Variants in CPNE4 observed in about 807,000 individuals in gnomAD.
The protein encoded by CPNE4 is copine 4.
CPNE4 carries 25 observed loss-of-function variants against 67.9 expected under a neutral mutation model. That is an observed-to-expected ratio of 0.37 (90% confidence interval 0.27 to 0.51). The LOEUF is 0.51. CPNE4 is among the 20% of genes least tolerant of loss of function. The probability of loss-of-function intolerance (pLI) is 0.93; values close to 1 mark genes in which losing one functional copy is unlikely to be tolerated. For synonymous variants in CPNE4, 242 were observed against 244.9 expected, an observed-to-expected ratio of 0.99 and a Z score of 0.11; for missense variants, 464 against 690.8, an observed-to-expected ratio of 0.67 and a Z score of 3.68.
chr3:131,692,719 TAG>T (rs1464243452), intron 5 of CPNE4, among the ~76,000 whole-genome samples: 1 of 152,170 alleles, frequency 6.6e-6, no homozygotes, highest in East Asian at 1.9e-4. Flanking sequence ...ACCTCTACTT[TAG>T]AGACAGATTT....
chr3:131,572,846 A>G (rs1240598705), intron 10 of CPNE4, among the ~76,000 whole-genome samples: 1 of 152,070 alleles, frequency 6.6e-6, no homozygotes, highest in African/African-American at 2.4e-5. Flanking sequence ...CCATGCCAGG[A>G]AACCTTCCTC....
rs1304832168 is a variant in CPNE4, at chr3:131,717,983, CTCTCTCTCTCTG to C, written c.360+5451_360+5462del. On this transcript the variant is annotated intron_variant, in intron 3 of 15. Coordinates refer to ENST00000429747, the MANE Select transcript of CPNE4 (RefSeq NM_130808.3). ...TCTTTCTTTCTCTCTCTCTGTCTCT[CTCTCTCTCTCTG>C]TCTCTCTCTCTTTCTTTCTTTCTTT... is the stretch of plus-strand genomic sequence containing the variant. Among the ~76,000 whole-genome samples, 7 of 149,562 alleles carry C rather than the reference CTCTCTCTCTCTG, an allele frequency of 4.7e-5. No individual in the cohort carries two copies. In the Admixed American group the frequency reaches 4.7e-4, roughly 10 times the overall value.
chr3:131,698,790 A>C (rs2081222631), intron 4 of CPNE4, among the ~76,000 whole-genome samples: 1 of 151,312 alleles, frequency 6.6e-6, no homozygotes, highest in African/African-American at 2.4e-5. Flanking sequence ...GGCACCTGTA[A>C]TCCCAGCTAC....
At chr3:131,856,546 G>C (rs1032944590) in intron 2 of CPNE4, among the ~76,000 whole-genome samples, 1 of 152,012 alleles carries the variant, frequency 6.6e-6, no homozygotes, top group African/African-American at 2.4e-5. Context: ...TTGTCTAGAA[G>C]ATGGGATGTT....
intron 7 of CPNE4, among the ~76,000 whole-genome samples, chr3:131,589,142 A>G (rs1401645629): frequency 1.3e-5 from 2 of 152,152 alleles, no homozygotes; most frequent in African/African-American, 4.8e-5. Context: ...GGCTCGCACA[A>G]TTACAAGGCA....
At chr3:131,974,911 G>T (rs190801576) in intron 1 of CPNE4, among the ~76,000 whole-genome samples, 2 of 152,248 alleles carry the variant, frequency 1.3e-5, no homozygotes, top group Admixed American at 6.5e-5. Flanking sequence ...GGGAGGCTGA[G>T]GGGGGAGGAT....
At chr3:131,767,271 G>GTGTA (rs2083044564) in intron 2 of CPNE4, among the ~76,000 whole-genome samples, 1 of 151,942 alleles carries the variant, frequency 6.6e-6, no homozygotes, top group African/African-American at 2.4e-5. Context: ...GTGTGTGTGT[G>GTGTA]TGTGTGTGTG....
At chr3:131,780,271 A>T (rs2083399802) in intron 2 of CPNE4, among the ~76,000 whole-genome samples, 1 of 152,142 alleles carries the variant, frequency 6.6e-6, no homozygotes, top group African/African-American at 2.4e-5. Context: ...AGCAGTCTGG[A>T]TATTTCTCAA....
chr3:131,995,863 C>G (rs2073277909), intron 1 of CPNE4, among the ~76,000 whole-genome samples: 1 of 152,160 alleles, frequency 6.6e-6, no homozygotes, highest in Non-Finnish European at 1.5e-5. Flanking sequence ...TGAATTGCCA[C>G]TGCAGCATAT....
At chr3:131,609,350 A>G (rs529175923) in intron 7 of CPNE4, among the ~76,000 whole-genome samples, 1 of 152,274 alleles carries the variant, frequency 6.6e-6, no homozygotes, top group Non-Finnish European at 1.5e-5. Flanking sequence ...GGGTGGGTAC[A>G]TTTCCTAGCC....
chr3:131,608,487 G>A (rs923708305), intron 7 of CPNE4, among the ~76,000 whole-genome samples: 3 of 152,110 alleles, frequency 2.0e-5, no homozygotes, highest in African/African-American at 7.2e-5. Flanking sequence ...GGTACAAGGA[G>A]CAGCAAGTGT....
chr3:131,910,982 G>T (rs939038599), intron 1 of CPNE4, among the ~76,000 whole-genome samples: 1 of 152,154 alleles, frequency 6.6e-6, no homozygotes, highest in Non-Finnish European at 1.5e-5. Context: ...ATTAGGAGTG[G>T]TGTGGCAGAC....
At chr3:131,875,468 T>C (rs1425462907) in intron 2 of CPNE4, among the ~76,000 whole-genome samples, 2 of 152,174 alleles carry the variant, frequency 1.3e-5, no homozygotes, top group Non-Finnish European at 2.9e-5. Context: ...TAAGAAAATG[T>C]GGCACATATA....
In CPNE4 at chr3:131,702,724, G is replaced by A. The variant is rs576964212; in HGVS notation, c.361-2744C>T. On this transcript the variant is annotated intron_variant, in intron 3 of 15. Coordinates refer to ENST00000429747, the MANE Select transcript of CPNE4 (RefSeq NM_130808.3). Reference sequence around the variant, plus strand: ...TTATCTTTATTCAAGGAAGAGTAAAGGAGACTAATCCCAAGAGAACCTGGA... The same window carrying A: ...TTATCTTTATTCAAGGAAGAGTAAAAGAGACTAATCCCAAGAGAACCTGGA... Among the ~76,000 whole-genome samples, 6 of 152,284 alleles carry A rather than the reference G, an allele frequency of 3.9e-5. No homozygotes were observed. The South Asian group carries it at 1.2e-3, about 32-fold the overall frequency.
intron 1 of CPNE4, among the ~76,000 whole-genome samples, chr3:131,984,083 G>A (rs1320483132): frequency 6.6e-6 from 1 of 152,138 alleles, no homozygotes; most frequent in Non-Finnish European, 1.5e-5. Context: ...CCTCTTCAAA[G>A]CATTGTTCCA....
intron 1 of CPNE4, among the ~76,000 whole-genome samples, chr3:131,963,855 A>T (rs573945633): frequency 4.1e-4 from 62 of 152,326 alleles, no homozygotes; most frequent in African/African-American, 1.4e-3. Context: ...AGAGCAGAGA[A>T]TCTCACAGCA....
chr3:131,616,851 G>A (rs1216577611), intron 7 of CPNE4, among the ~76,000 whole-genome samples: 1 of 152,190 alleles, frequency 6.6e-6, no homozygotes, highest in East Asian at 1.9e-4. Flanking sequence ...ACAAAGGAAA[G>A]CTCAAAGCCT....
intron 1 of CPNE4, among the ~76,000 whole-genome samples, chr3:131,928,851 G>A (rs963937742): frequency 2.6e-5 from 4 of 152,194 alleles, no homozygotes; most frequent in Non-Finnish European, 5.9e-5. Flanking sequence ...CATGAAAAAT[G>A]GAAGGGAATG....
At chr3:131,970,846 C>T (rs535236655) in intron 1 of CPNE4, among the ~76,000 whole-genome samples, 25 of 152,134 alleles carry the variant, frequency 1.6e-4, no homozygotes, top group Admixed American at 3.3e-4. Context: ...ATAGAATGAA[C>T]GGATCATCAA....
Sources: gnomAD v4.1 joint callset for allele counts (sites outside exome capture counted in the v4.1 genomes callset) on GRCh38, gnomAD v4.1.1 for gene constraint, MANE v1.5 for transcripts, NCBI Gene and HGNC (gene_info 2026-07-23, HGNC 2026-07-21) for gene names.